The following MYOM2 variants were observed in gnomAD, a reference collection of about 807,000 sequenced individuals.
MYOM2 encodes the protein myomesin 2.
Under a neutral mutation model 187.6 loss-of-function variants are expected in MYOM2, and 254 were observed. The observed-to-expected ratio is 1.35, with a 90% CI of 1.22 to 1.50. MYOM2 has a LOEUF of 1.50. Among genes scored for constraint, MYOM2 ranks in the 40% most tolerant of loss-of-function variants. The pLI, the probability that MYOM2 is intolerant of heterozygous loss-of-function variation, is 0.00. For synonymous variants in MYOM2, 981 were observed against 753.8 expected, an observed-to-expected ratio of 1.30 and a Z score of -4.94; for missense variants, 2,796 against 1,924.0, an observed-to-expected ratio of 1.45 and a Z score of -8.48.
At chr8:2,101,458 C>A (rs944625874) in intron 20 of MYOM2, among the ~76,000 whole-genome samples, 1 of 152,228 alleles carries the variant, frequency 6.6e-6, no homozygotes, top group African/African-American at 2.4e-5. Flanking sequence ...TTGATCTCTG[C>A]GCAAGCCAGC....
chr8:2,144,433 T>A (rs1798383738), intron 36 of MYOM2, among the ~76,000 whole-genome samples: 1 of 152,222 alleles, frequency 6.6e-6, no homozygotes, highest in Non-Finnish European at 1.5e-5. Flanking sequence ...ATAGGACACA[T>A]GCTCACTGAT....
intron 23 of MYOM2, among the ~76,000 whole-genome samples, chr8:2,107,865 C>A (rs972664025): frequency 7.2e-5 from 11 of 152,192 alleles, no homozygotes; most frequent in African/African-American, 2.7e-4. Flanking sequence ...AAGTTTCCAT[C>A]TTAATTTTAA....
intron 32 of MYOM2, among the ~76,000 whole-genome samples, chr8:2,140,044 C>A (rs1798220595): frequency 6.6e-6 from 1 of 152,180 alleles, no homozygotes; most frequent in East Asian, 1.9e-4. Context: ...ACCCGAAACT[C>A]TGTTCCCATT....
chr8:2,085,414 G>T (rs760971121), intron 14 of MYOM2, 24 bp downstream of exon 14: 1 of 1,586,950 alleles, frequency 6.3e-7, no homozygotes, highest in Non-Finnish European at 8.6e-7. Context: ...CCGTGTCCTG[G>T]AAAAGTAGAT....
intron 13 of MYOM2, among the ~76,000 whole-genome samples, chr8:2,083,042 G>A (rs1373825845): frequency 6.6e-6 from 1 of 152,146 alleles, no homozygotes; most frequent in African/African-American, 2.4e-5. Flanking sequence ...GGATTTTTAA[G>A]TGGAGGAAAC....
At chr8:2,095,837 A>G (rs1190503714) in intron 17 of MYOM2, among the ~76,000 whole-genome samples, 2 of 152,198 alleles carry the variant, frequency 1.3e-5, no homozygotes. Flanking sequence ...CTGGAATCGT[A>G]TCTGTCATCT....
At chr8:2,078,618 T>A in intron 11 of MYOM2, 116 bp from the exon 12 acceptor site, 2 of 907,246 alleles carry the variant, frequency 2.2e-6, no homozygotes, top group South Asian at 3.1e-5. Flanking sequence ...AAGATTTTAC[T>A]GGCGTGAGAT....
rs543314464 is a variant in MYOM2 at position 2,069,266 on chromosome 8, T to C, written c.654-12T>C. On this transcript the variant is annotated splice_polypyrimidine_tract_variant and intron_variant, in intron 6 of 36. Transcript: ENST00000262113. ...AGTCCCGCAGACTTTCTCTTGTTTT[T>C]TTCTCTCCAAGGGCAGACTTTGACG... 3.1e-6 allele frequency: 5 copies of C among 1,603,660 alleles called. No individual in the cohort carries two copies. The African/African-American group carries it at 6.7e-5, about 21-fold the overall frequency.
At position 2,057,751 on chromosome 8, in the gene MYOM2, G is replaced by T. The variant is rs755642118; in HGVS notation, c.531G>T (p.Val177=). 8 of 1,613,986 alleles carry T rather than the reference G, an allele frequency of 5.0e-6. No individual in the cohort carries two copies. Among genetic ancestry groups the T allele is most frequent in the Non-Finnish European group, 6.8e-6 (8 of 1,180,024 alleles). ...TGTCTGTGAAACTCTGCTTCACCGT[G>T]CAAGGATTTCCCACGCCCGTGGTGC... is the stretch of plus-strand genomic sequence containing the variant. The part of the protein sequence containing the change: ...ERMSVKLCFT[V]QGFPTPVVQW... Residue 177 remains valine, a synonymous_variant, in exon 5 of 37, where the codon GTG becomes GTT. Transcript: ENST00000262113.
chr8:2,077,957 T>TAAAAGTGCTGGAA (rs1203332165), intron 11 of MYOM2, among the ~76,000 whole-genome samples: 2 of 152,162 alleles, frequency 1.3e-5, no homozygotes, highest in Admixed American at 6.5e-5. Context: ...CAGCTTTCAT[T>TAAAAGTGCTGGAA]AAAAGTGCTG....
intron 23 of MYOM2, among the ~76,000 whole-genome samples, chr8:2,108,146 A>T (rs954896797): frequency 1.3e-5 from 2 of 152,190 alleles, no homozygotes; most frequent in African/African-American, 4.8e-5. Flanking sequence ...CTTCTTTCTG[A>T]TTCTAATTTT....
At chr8:2,115,164 CA>C (rs66740208) in intron 25 of MYOM2, among the ~76,000 whole-genome samples, 26,109 of 144,184 alleles carry the variant, frequency 0.18, 2,370 homozygotes, top group East Asian at 0.24. Context: ...AGGCAACCAG[CA>C]AAAAAAAAAC....
At chr8:2,087,078 G>A (rs749852876) in intron 14 of MYOM2, among the ~76,000 whole-genome samples, 15 of 152,178 alleles carry the variant, frequency 9.9e-5, no homozygotes, top group South Asian at 4.1e-4. Context: ...TACCCTGTCC[G>A]GTGACATTAA....
chr8:2,047,850 G>T (rs1316131420), intron 1 of MYOM2, among the ~76,000 whole-genome samples: 1 of 152,210 alleles, frequency 6.6e-6, no homozygotes, highest in Non-Finnish European at 1.5e-5. Flanking sequence ...CACATGAAGT[G>T]TTTGAAGACT....
chr8:2,144,722 A>G lies in MYOM2; in HGVS notation c.4139A>G (p.Lys1380Arg), dbSNP rs201486631. ...GNPDPEVIWF[K>R]NDQDIQLSEH... ...CCTGACCCCGAAGTGATTTGGTTCA[A>G]GAACGACCAGGACATCCAGCTCAGC... is the stretch of plus-strand genomic sequence containing the variant. The change falls in exon 37 of 37, where the codon AAG becomes AGG. Residue 1380 changes from lysine to arginine, a missense_variant. Lys to Arg is a conservative substitution (Grantham distance 26, BLOSUM62 2). Coordinates refer to ENST00000262113, the MANE Select transcript of MYOM2 (RefSeq NM_003970.4). The G allele has an allele frequency of 1.3e-4, 209 of 1,614,016 alleles. No homozygotes were observed. Among genetic ancestry groups the G allele is most frequent in the Non-Finnish European group, 1.7e-4 (205 of 1,180,042 alleles).
Position 2,124,182 on chromosome 8 carries a change from A to G in MYOM2, c.3659A>G (p.Tyr1220Cys), listed in dbSNP as rs930254396. 1.2e-6 allele frequency: 2 copies of G among 1,612,442 alleles called. No individual in the cohort carries two copies. Among genetic ancestry groups the G allele is most frequent in the Non-Finnish European group, 1.7e-6 (2 of 1,179,120 alleles). ...VSILEIAGKV[Y>C]DDMILAMSRV... ...GCGTATCCCTTCTCATTTTCAGTGT[A>G]TGATGATATGATTTTGGCAATGAGT... is the stretch of plus-strand genomic sequence containing the variant. The change falls in exon 31 of 37, where the codon TAT becomes TGT. Residue 1220 changes from tyrosine (Y) to cysteine (C), a missense_variant. By Grantham distance (194) the Tyr-to-Cys change is radical. Transcript: ENST00000262113.
chr8:2,120,679 AT>A (rs66875828), intron 28 of MYOM2, among the ~76,000 whole-genome samples: 529 of 24,276 alleles, frequency 0.022, 65 homozygotes, highest in East Asian at 0.045. Flanking sequence ...TATATATTAT[AT>A]TATATATAAA....
intron 17 of MYOM2, among the ~76,000 whole-genome samples, chr8:2,095,457 A>T (rs969440612): frequency 6.6e-6 from 1 of 151,880 alleles, no homozygotes; most frequent in African/African-American, 2.4e-5. Context: ...CGCCCAGCTA[A>T]TTTTTTGATT....
chr8:2,099,979 A>G (rs1316240029), intron 19 of MYOM2, among the ~76,000 whole-genome samples: 1 of 150,574 alleles, frequency 6.6e-6, no homozygotes, highest in Non-Finnish European at 1.5e-5. Context: ...CCAATTAGAA[A>G]ATTCCTTCCT....
Sources: gnomAD v4.1 joint callset for allele counts (sites outside exome capture counted in the v4.1 genomes callset) on GRCh38, gnomAD v4.1.1 for gene constraint, MANE v1.5 for transcripts, NCBI Gene and HGNC (gene_info 2026-07-23, HGNC 2026-07-21) for gene names.